MAP7D1: variants seen among roughly 807,000 people sequenced by gnomAD.
MAP7D1 encodes MAP7 domain-containing protein 1.
A neutral mutation model predicts 97.5 loss-of-function variants in MAP7D1; 30 were observed. That is an observed-to-expected ratio of 0.31 (90% CI 0.23 to 0.42). The LOEUF (loss-of-function observed/expected upper bound fraction) is 0.42. MAP7D1 is among the 10% of genes least tolerant of loss of function. The pLI, the probability that MAP7D1 is intolerant of heterozygous loss-of-function variation, is 1.00. For synonymous variants in MAP7D1, 536 were observed against 477.1 expected, an observed-to-expected ratio of 1.12 and a Z score of -1.61; for missense variants, 1,184 against 1,179.5, an observed-to-expected ratio of 1.00 and a Z score of -0.06.
intron 1 of MAP7D1, among the ~76,000 whole-genome samples, chr1:36,166,678 C>T (rs868291663): frequency 6.6e-6 from 1 of 152,082 alleles, no homozygotes; most frequent in Admixed American, 6.5e-5. Context: ...CGTGAGCCAC[C>T]GCACCCGGCC....
At position 36,178,079 on chromosome 1, in the gene MAP7D1, G is replaced by A. The variant is rs778220854; in HGVS notation, c.1586G>A (p.Ser529Asn). The change falls in exon 9 of 17, where the codon AGC (serine) becomes AAC (asparagine). Residue 529 changes from serine (S) to asparagine (N), a missense_variant. Transcript: ENST00000474796. Reference protein sequence around the residue: ...SAAGPEDKSQSKRRASNEKES... With the variant: ...SAAGPEDKSQNKRRASNEKES... Reference sequence around the variant, plus strand: ...GCAGGGCCCGAGGACAAGAGCCAGAGCAAGCGCAGGGCCAGTAACGAGAAG... The same window carrying A: ...GCAGGGCCCGAGGACAAGAGCCAGAACAAGCGCAGGGCCAGTAACGAGAAG... The A allele has an allele frequency of 4.4e-6, 7 of 1,608,510 alleles. No homozygotes were observed. The highest frequency in any genetic ancestry group is 5.9e-6 in the Non-Finnish European group (7 of 1,177,762).
intron 1 of MAP7D1, among the ~76,000 whole-genome samples, chr1:36,170,428 C>T (rs926828618): frequency 1.3e-5 from 2 of 152,246 alleles, no homozygotes; most frequent in African/African-American, 4.8e-5. Flanking sequence ...CCTCTGTGAA[C>T]AGACCTTGGG....
chr1:36,170,306 T>C (rs1644523661), intron 1 of MAP7D1, among the ~76,000 whole-genome samples: 1 of 152,172 alleles, frequency 6.6e-6, no homozygotes, highest in Non-Finnish European at 1.5e-5. Context: ...GGAAAAAAGA[T>C]TATAAAGTGG....
rs751567890 is a variant in MAP7D1 at position 36,178,055 on chromosome 1, C to G, written c.1562C>G (p.Ala521Gly). The G allele has an allele frequency of 1.2e-6, 2 of 1,612,450 alleles. No individual in the cohort carries two copies. The highest frequency in any genetic ancestry group is 2.2e-5 in the South Asian group (2 of 90,940). The change falls in exon 9 of 17, where the codon GCA becomes GGA. Residue 521 changes from alanine (A) to glycine (G), a missense_variant. Physicochemically the swap from Ala to Gly is moderately conservative, Grantham distance 60 (BLOSUM62 0). Transcript: ENST00000474796. ...KEEAKESPSAAGPEDKSQSKR... is the reference protein window; with the variant it reads ...KEEAKESPSAGGPEDKSQSKR... ...GAGGCAAAGGAGAGCCCCAGCGCCG[C>G]AGGGCCCGAGGACAAGAGCCAGAGC...
At position 36,159,560 on chromosome 1, in the gene MAP7D1, G is replaced by T. The variant is rs1468036010; in HGVS notation, c.46+3097G>T. ...ACAGGAGAGAAGACCCAAGAAACAG[G>T]TGCAACCGGCTATCCAGCACACCCA... On this transcript the variant is annotated intron_variant, in intron 1 of 16. Coordinates refer to ENST00000474796, the MANE Select transcript of MAP7D1 (RefSeq NM_001388490.1). This position sits in a 1 kb window ranked among gnomAD's most constrained non-coding sequence, Gnocchi z 5.4. Among the ~76,000 whole-genome samples the T allele has an allele frequency of 5.3e-5, 8 of 152,160 alleles. No homozygotes were observed. Among genetic ancestry groups the T allele is most frequent in the African/African-American group, 1.9e-4 (8 of 41,422 alleles).
chr1:36,156,368 G>A lies in MAP7D1; in HGVS notation c.-50G>A. The A allele has an allele frequency of 4.1e-6, 6 of 1,459,836 alleles. No individual in the cohort carries two copies. The highest frequency in any genetic ancestry group is 3.8e-5 in the South Asian group (3 of 77,950). The allele number at this position is 1,459,836 out of a possible 1,614,324, so 90.4% of individuals were successfully genotyped here. A position where few individuals can be genotyped will look rare whatever the true frequency, so the allele number is the denominator to read the frequency against. The stretch of plus-strand genomic sequence containing the variant: ...GGGACCCCTGTCCTGGCCACTGGCC[G>A]CCGCCGCCGCCGCCGCTGAGACCCC... On this transcript the variant is annotated 5_prime_UTR_variant, in exon 1 of 17. Coordinates refer to ENST00000474796, the MANE Select transcript of MAP7D1 (RefSeq NM_001388490.1).
chr1:36,166,943 A>T (rs1226698439), intron 1 of MAP7D1, among the ~76,000 whole-genome samples: 1 of 152,160 alleles, frequency 6.6e-6, no homozygotes, highest in Non-Finnish European at 1.5e-5. Context: ...GGGGAGAAGC[A>T]GGCTTTTGGG....
intron 3 of MAP7D1, chr1:36,172,107 A>G (rs795047): frequency 0.6 from 117,555 of 195,028 alleles, 36,452 homozygotes; most frequent in Non-Finnish European, 0.69. Flanking sequence ...AGTAGCTGAC[A>G]TTCAGACCCA....
chr1:36,164,479 GA>G (rs937259610), intron 1 of MAP7D1, among the ~76,000 whole-genome samples: 6 of 152,232 alleles, frequency 3.9e-5, no homozygotes, highest in African/African-American at 1.4e-4. Context: ...AGGAAGTGAT[GA>G]CTGAACTAAC....
intron 8 of MAP7D1, chr1:36,177,598 A>G (rs1408304998): frequency 1.4e-6 from 1 of 692,304 alleles, no homozygotes; most frequent in Non-Finnish European, 2.7e-6. Context: ...TGCTGAGGAC[A>G]CGTTGCTGAG....
chr1:36,178,751 G>C lies in MAP7D1; in HGVS notation c.1953G>C (p.Arg651=), dbSNP rs779038632. ...EARAEREAEA[R]RREEQEAREK... is the part of the protein sequence containing the mutation. ...GGGCGGAGCGGGAGGCGGAGGCCCG[G>C]AGGCGGGAGGAGCAGGAGGCACGAG... Residue 651 remains arginine, a synonymous_variant, in exon 11 of 17, where the codon CGG becomes CGC. Coordinates refer to ENST00000474796, the MANE Select transcript of MAP7D1 (RefSeq NM_001388490.1). 1 of 1,545,504 alleles carries C rather than the reference G, an allele frequency of 6.5e-7. No individual in the cohort carries two copies. Among genetic ancestry groups the C allele is most frequent in the Non-Finnish European group, 8.7e-7 (1 of 1,145,270 alleles).
chr1:36,172,471 G>C lies in MAP7D1; in HGVS notation c.468G>C (p.Lys156Asn). 6.3e-7 allele frequency: 1 copy of C among 1,581,684 alleles called. No homozygotes were observed. Among genetic ancestry groups the C allele is most frequent in the Non-Finnish European group, 8.6e-7 (1 of 1,156,908 alleles). The change falls in exon 4 of 17, where the codon AAG becomes AAC. Residue 156 changes from lysine to asparagine, a missense_variant. Lys to Asn is a moderately conservative substitution (Grantham distance 94). Transcript: ENST00000474796. ...GGGCTCCTTTGTCCACAGCGGCCAA[G>C]AAGGCAGTGTGGCTGGAGAAGGAGG... Reference protein sequence around the residue: ...REERAKYLAAKKAVWLEKEEK... With the variant: ...REERAKYLAANKAVWLEKEEK...
chr1:36,179,074 G>C, intron 12 of MAP7D1, 49 bp downstream of exon 12: 2 of 1,442,602 alleles, frequency 1.4e-6, no homozygotes, highest in South Asian at 1.2e-5. Context: ...GGCAGGGCGG[G>C]CCAGGTGGGC....
In MAP7D1 at chr1:36,173,497, C is replaced by T; in HGVS notation, c.739+19C>T. 2 of 1,468,652 alleles carry T rather than the reference C, an allele frequency of 1.4e-6. No homozygotes were observed. Among genetic ancestry groups the T allele is most frequent in the Non-Finnish European group, 9.4e-7 (1 of 1,067,452 alleles). The allele number at this position is 1,468,652 out of a possible 1,614,324, so 91.0% of individuals were successfully genotyped here. A position where few individuals can be genotyped will look rare whatever the true frequency, so the allele number is the denominator to read the frequency against. On this transcript the variant is annotated intron_variant, in intron 5 of 16. Coordinates refer to ENST00000474796, the MANE Select transcript of MAP7D1 (RefSeq NM_001388490.1). ...AAGACCAGTGAGTAGGCTGGAGGGG[C>T]TGGGGAGTGGGTGGGCAAGGCTGGG...
In MAP7D1 at chr1:36,180,014, C is replaced by A; in HGVS notation, c.2459C>A (p.Ala820Glu). The change falls in exon 16 of 17, where the codon GCA becomes GAA. Residue 820 changes from alanine to glutamate, a missense_variant. Ala to Glu is a moderately radical substitution (Grantham distance 107, BLOSUM62 -1). Coordinates refer to ENST00000474796, the MANE Select transcript of MAP7D1 (RefSeq NM_001388490.1). ...SRTPETLLPF[A>E]EAEAFLKKAV... ...ACACCAGAGACACTCCTGCCCTTTG[C>A]AGAGGCAGAAGCCTTCCTCAAGAAA... The A allele has an allele frequency of 6.2e-7, 1 of 1,614,206 alleles. No individual in the cohort carries two copies. Among genetic ancestry groups the A allele is most frequent in the African/African-American group, 1.3e-5 (1 of 75,064 alleles).
Position 36,172,535 on chromosome 1 carries a change from C to G in MAP7D1, c.532C>G (p.Arg178Gly). The change falls in exon 4 of 17, where the codon CGC (arginine) becomes GGC (glycine). Residue 178 changes from arginine (R) to glycine (G), a missense_variant. Coordinates refer to ENST00000474796, the MANE Select transcript of MAP7D1 (RefSeq NM_001388490.1). ...KALREKQLQERRRRLEEQRLK... is the reference protein window; with the variant it reads ...KALREKQLQEGRRRLEEQRLK... Reference sequence around the variant, plus strand: ...GCTGCGGGAGAAGCAGCTCCAGGAGCGCCGGCGCCGGCTGGAGGAGCAACG... The same window carrying G: ...GCTGCGGGAGAAGCAGCTCCAGGAGGGCCGGCGCCGGCTGGAGGAGCAACG... 6.2e-7 allele frequency: 1 copy of G among 1,602,028 alleles called. No homozygotes were observed. The highest frequency in any genetic ancestry group is 8.5e-7 in the Non-Finnish European group (1 of 1,171,372).
intron 6 of MAP7D1, 147 bp downstream of exon 6, chr1:36,175,155 C>A: frequency 1.6e-6 from 1 of 637,892 alleles, no homozygotes; most frequent in Admixed American, 2.5e-5. Flanking sequence ...GGGCTCTGTG[C>A]CCCTCGGGGG....
chr1:36,170,456 G>C (rs561351736), intron 1 of MAP7D1, among the ~76,000 whole-genome samples: 25 of 150,024 alleles, frequency 1.7e-4, no homozygotes, highest in Middle Eastern at 6.8e-3. Context: ...CAGTCACCCA[G>C]AAGTAAAGCA....
chr1:36,177,781 T>TG, intron 8 of MAP7D1, 92 bp from the exon 9 acceptor site: 2 of 1,180,968 alleles, frequency 1.7e-6, no homozygotes, highest in Non-Finnish European at 2.1e-6. Flanking sequence ...TGATGTAGCC[T>TG]GGGGGAGGGG....
Sources: gnomAD v4.1 joint callset for allele counts (sites outside exome capture counted in the v4.1 genomes callset) on GRCh38, gnomAD v4.1.1 for gene constraint, Gnocchi (gnomAD v3.1) non-coding constraint, MANE v1.5 for transcripts, NCBI Gene and HGNC (gene_info 2026-07-23, HGNC 2026-07-21) for gene names.